The following DEPDC5 variants were observed in gnomAD, a reference collection of about 807,000 sequenced individuals.
DEPDC5 encodes the protein DEP domain containing 5, GATOR1 subcomplex subunit.
In DEPDC5, 73 loss-of-function variants were observed where a neutral mutation model predicts 217.3. The observed-to-expected ratio is 0.34, with a 90% confidence interval of 0.28 to 0.41. The LOEUF (loss-of-function observed/expected upper bound fraction) is 0.41, where lower values mean the gene tolerates loss of function less well. DEPDC5 is among the 10% of genes least tolerant of loss of function. The probability of loss-of-function intolerance (pLI) is 1.00; values close to 1 mark genes in which losing one functional copy is unlikely to be tolerated. For missense variants in DEPDC5, 1,675 were observed against 2,070.1 expected (o/e 0.81, Z 3.70); for synonymous variants, 733 against 756.7 (o/e 0.97, Z 0.51).
At position 31,901,758 on chromosome 22, in the gene DEPDC5, G is replaced by A. The variant is rs756506370; in HGVS notation, c.4392G>A (p.Thr1464=). 30 of 1,613,186 alleles carry A rather than the reference G, an allele frequency of 1.9e-5. No homozygotes were observed. In the Middle Eastern group the frequency reaches 8.2e-4, roughly 44 times the overall value. The change falls in exon 41 of 43, where the codon ACG becomes ACA. Residue 1464 remains threonine, a synonymous_variant. Transcript: ENST00000651528. ...TCCTTTCAGGCTTTGAACCCGAAAC[G>A]TACTGGGATCGAATGCACCTCTTCC... ...EHLFDSFEPE[T]YWDRMHLFQE...
chr22:31,829,412 A>G (rs2090421826), intron 24 of DEPDC5, among the ~76,000 whole-genome samples: 1 of 152,110 alleles, frequency 6.6e-6, no homozygotes, highest in African/African-American at 2.4e-5. Context: ...GGCGCCTGTA[A>G]TCCCAGCGAC....
At chr22:31,802,666 G>A (rs1305524762) in intron 14 of DEPDC5, 38 bp from the exon 15 acceptor site, 3 of 1,501,546 alleles carry the variant, frequency 2.0e-6, no homozygotes. Context: ...CTGAAAAGCT[G>A]TAACATCATT....
intron 2 of DEPDC5, among the ~76,000 whole-genome samples, chr22:31,757,049 A>G (rs2147965719): frequency 6.6e-6 from 1 of 152,056 alleles, no homozygotes; most frequent in South Asian, 2.1e-4. Flanking sequence ...TCAGTTTGGT[A>G]AGATAGACAT....
At chr22:31,895,708 C>G (rs548895896) in intron 39 of DEPDC5, among the ~76,000 whole-genome samples, 2 of 149,350 alleles carry the variant, frequency 1.3e-5, no homozygotes, top group African/African-American at 4.9e-5. Context: ...TTTTTTTTGT[C>G]CAGAGCTCAT....
At position 31,815,116 on chromosome 22, in the gene DEPDC5, A is replaced by G; in HGVS notation, c.1570A>G (p.Ser524Gly). The G allele has an allele frequency of 6.2e-7, 1 of 1,614,182 alleles. No homozygotes were observed. The highest frequency in any genetic ancestry group is 8.5e-7 in the Non-Finnish European group (1 of 1,180,040). Residue 524 changes from serine to glycine, a missense_variant, in exon 21 of 43, where the codon AGC becomes GGC. Coordinates refer to ENST00000651528, the MANE Select transcript of DEPDC5 (RefSeq NM_001242896.3). ...AGTGAGGAGCCAGGCTTCTGACGAC[A>G]GCTCCCTAGGCAAGAGTGCCAACAT... ...EEVRSQASDDSSLGKSANILM... is the reference protein window; with the variant it reads ...EEVRSQASDDGSLGKSANILM...
chr22:31,755,220 A>C (rs2075220029), intron 2 of DEPDC5: 1 of 526,570 alleles, frequency 1.9e-6, no homozygotes. Flanking sequence ...CATTTGTTGA[A>C]TTGCATTATT....
chr22:31,825,887 G>A (rs768043589), intron 24 of DEPDC5, among the ~76,000 whole-genome samples: 10 of 152,172 alleles, frequency 6.6e-5, no homozygotes, highest in Non-Finnish European at 7.3e-5. Context: ...TGGAAAGAGC[G>A]CAGGCTCCAG....
chr22:31,824,356 A>G (rs2089968988), intron 24 of DEPDC5, among the ~76,000 whole-genome samples: 1 of 152,162 alleles, frequency 6.6e-6, no homozygotes, highest in Admixed American at 6.5e-5. Flanking sequence ...AAAAAGAAAA[A>G]AAAAAAGAAA....
intron 18 of DEPDC5, among the ~76,000 whole-genome samples, chr22:31,808,702 G>T (rs2087871039): frequency 6.6e-6 from 1 of 152,072 alleles, no homozygotes; most frequent in African/African-American, 2.4e-5. Context: ...AAAGTGCTGG[G>T]ATTACAGGTG....
rs749280358 is a variant in DEPDC5, at chr22:31,906,237, C to T, written c.4552C>T (p.Arg1518Cys). 1.1e-5 allele frequency: 17 copies of T among 1,613,974 alleles called. No homozygotes were observed. The highest frequency in any genetic ancestry group is 1.7e-5 in the Admixed American group (1 of 60,020). ...TVFLQLPYSK[R>C]KFSGQQRRRR... is the part of the protein sequence containing the mutation. ...GTTTCTGCAGCTGCCCTACTCCAAG[C>T]GCAAGTTCTCAGGGCAGCAGCGGCG... Residue 1518 changes from arginine (R) to cysteine (C), a missense_variant, in exon 43 of 43, where the codon CGC (arginine) becomes TGC (cysteine). Coordinates refer to ENST00000651528, the MANE Select transcript of DEPDC5 (RefSeq NM_001242896.3). The surrounding 1 kb of genome is among the most constrained non-coding windows in gnomAD (Gnocchi z 5.1).
chr22:31,851,483 A>G (rs767333771), intron 31 of DEPDC5, among the ~76,000 whole-genome samples: 1 of 152,194 alleles, frequency 6.6e-6, no homozygotes, highest in Non-Finnish European at 1.5e-5. Context: ...TGTGCTTGCC[A>G]GCATCCTGGG....
chr22:31,794,423 GAATAT>G (rs1195490154), intron 12 of DEPDC5, among the ~76,000 whole-genome samples: 1 of 152,082 alleles, frequency 6.6e-6, no homozygotes, highest in East Asian at 1.9e-4. Context: ...TATAAAGCAT[GAATAT>G]GAATATATGA....
At chr22:31,902,392 T>C (rs994876148) in intron 41 of DEPDC5, among the ~76,000 whole-genome samples, 2 of 132,424 alleles carry the variant, frequency 1.5e-5, no homozygotes, top group Non-Finnish European at 3.2e-5. Context: ...TTCTCCAGTA[T>C]CCTGTCATCT....
chr22:31,882,117 A>G (rs1035940592), intron 38 of DEPDC5, among the ~76,000 whole-genome samples: 1 of 152,208 alleles, frequency 6.6e-6, no homozygotes, highest in Non-Finnish European at 1.5e-5. Flanking sequence ...AGTGTTAATC[A>G]TTCACTTATA....
intron 24 of DEPDC5, among the ~76,000 whole-genome samples, chr22:31,823,375 A>T (rs2089877608): frequency 6.6e-6 from 1 of 151,964 alleles, no homozygotes; most frequent in Non-Finnish European, 1.5e-5. Flanking sequence ...TACCAAAAAC[A>T]CAAAAAGATT....
intron 2 of DEPDC5, 66 bp from the exon 3 acceptor site, chr22:31,758,480 A>G (rs2082117102): frequency 7.0e-7 from 1 of 1,428,748 alleles, no homozygotes. Context: ...GTGAGGAACC[A>G]GTATGAGAAC....
At chr22:31,822,856 AG>A in intron 24 of DEPDC5, 66 bp downstream of exon 24, 1 of 1,511,846 alleles carries the variant, frequency 6.6e-7, no homozygotes. Context: ...AAATGACACA[AG>A]GGCCAGAAAA....
chr22:31,793,710 C>A (rs1217002671), intron 12 of DEPDC5, among the ~76,000 whole-genome samples: 2 of 152,060 alleles, frequency 1.3e-5, no homozygotes, highest in Non-Finnish European at 2.9e-5. Flanking sequence ...GCTGGGACTA[C>A]AGGCGCCCGT....
chr22:31,906,060 G>C lies in DEPDC5; in HGVS notation c.4513G>C (p.Val1505Leu). The change falls in exon 42 of 43, where the codon GTT becomes CTT. Residue 1505 changes from valine to leucine, a missense_variant. Val to Leu is a conservative substitution (Grantham distance 32). Transcript: ENST00000651528. The surrounding 1 kb of genome is among the most constrained non-coding windows in gnomAD (Gnocchi z 5.1). ...PAENKPQYIH[V>L]TGTVFLQLPY... ...TGAGAACAAGCCTCAGTATATCCAC[G>C]TTACAGGTGAGGAGCTACGGGCAGA... 1 of 1,614,126 alleles carries C rather than the reference G, an allele frequency of 6.2e-7. No homozygotes were observed. Among genetic ancestry groups the C allele is most frequent in the Non-Finnish European group, 8.5e-7 (1 of 1,180,022 alleles).
Sources: allele counts gnomAD v4.1 joint callset (sites outside exome capture counted in the v4.1 genomes callset), GRCh38; gene constraint gnomAD v4.1.1; non-coding constraint Gnocchi (gnomAD v3.1); transcripts MANE v1.5; gene names NCBI Gene and HGNC (gene_info 2026-07-23, HGNC 2026-07-21).